Variants in MYO5B observed in about 807,000 individuals in gnomAD.
MYO5B encodes the protein unconventional myosin-Vb.
MYO5B carries 143 observed loss-of-function variants against 229.3 expected under a neutral mutation model. The observed-to-expected ratio is 0.62, with a 90% confidence interval of 0.54 to 0.72. MYO5B has a LOEUF of 0.72. Ranked by LOEUF, MYO5B falls within the 30% of genes least tolerant of loss-of-function variation. The pLI is 0.00. For missense variants in MYO5B, 2,321 were observed against 2,331.0 expected (o/e 1.00, Z 0.09); for synonymous variants, 918 against 885.2 (o/e 1.04, Z -0.66).
chr18:49,905,124 C>A (rs2144148288), intron 19 of MYO5B, among the ~76,000 whole-genome samples: 1 of 152,316 alleles, frequency 6.6e-6, no homozygotes, highest in African/African-American at 2.4e-5. Flanking sequence ...ACTCTTCTAC[C>A]TCACTGTGCC....
In MYO5B at chr18:49,933,087, A is replaced by T. The variant is rs185695575; in HGVS notation, c.2003+3165T>A. Among the ~76,000 whole-genome samples the T allele has an allele frequency of 2.8e-4, 42 of 152,128 alleles. No individual in the cohort carries two copies. The East Asian group carries it at 8.1e-3, about 29-fold the overall frequency. ...TCCCACTGTGTTAGAACCGAGCCCT[A>T]CCTCCACAATTGCCCGCCATGGAAT... On this transcript the variant is annotated intron_variant, in intron 16 of 39. Coordinates refer to ENST00000285039, the MANE Select transcript of MYO5B (RefSeq NM_001080467.3).
chr18:49,937,856 G>A (rs578033661), intron 14 of MYO5B, among the ~76,000 whole-genome samples: 1 of 152,222 alleles, frequency 6.6e-6, no homozygotes, highest in African/African-American at 2.4e-5. Flanking sequence ...GAGAAAGGGA[G>A]TGCCTGCTAA....
intron 1 of MYO5B, among the ~76,000 whole-genome samples, chr18:50,183,397 T>C (rs1169354475): frequency 6.7e-6 from 1 of 150,118 alleles, no homozygotes; most frequent in Non-Finnish European, 1.5e-5. Flanking sequence ...ATTCTGTATG[T>C]ATTCCTCTCT....
At chr18:49,953,176 C>T in intron 14 of MYO5B, 84 bp downstream of exon 14, 1 of 1,297,394 alleles carries the variant, frequency 7.7e-7, no homozygotes, top group East Asian at 2.3e-5. Context: ...TGTCTTTCCA[C>T]CCCAAGGAGG....
chr18:50,110,379 TG>T (rs749065482), intron 1 of MYO5B, among the ~76,000 whole-genome samples: 3 of 152,202 alleles, frequency 2.0e-5, no homozygotes, highest in Non-Finnish European at 2.9e-5. Context: ...CTCCCTCATT[TG>T]CTCCAGGTAT....
At chr18:49,982,257 C>T (rs889621229) in intron 8 of MYO5B, among the ~76,000 whole-genome samples, 1 of 152,058 alleles carries the variant, frequency 6.6e-6, no homozygotes, top group African/African-American at 2.4e-5. Flanking sequence ...TTTGTAGAGA[C>T]AGGGTCTCCC....
chr18:50,012,920 T>C (rs927007261), intron 4 of MYO5B, among the ~76,000 whole-genome samples: 1 of 152,250 alleles, frequency 6.6e-6, no homozygotes, highest in South Asian at 2.1e-4. Flanking sequence ...TGCTTCAGAC[T>C]GAAGGCATTC....
intron 16 of MYO5B, among the ~76,000 whole-genome samples, chr18:49,935,521 A>C (rs1006998350): frequency 4.6e-5 from 7 of 152,230 alleles, no homozygotes; most frequent in African/African-American, 1.7e-4. Flanking sequence ...AGACCAATGA[A>C]AGAGGAATCA....
intron 1 of MYO5B, among the ~76,000 whole-genome samples, chr18:50,164,590 A>T (rs897194714): frequency 6.6e-6 from 1 of 151,432 alleles, no homozygotes; most frequent in Non-Finnish European, 1.5e-5. Flanking sequence ...TCAAATTGTG[A>T]TTTTTTTTTA....
At chr18:50,023,719 G>A (rs1397946952) in intron 4 of MYO5B, among the ~76,000 whole-genome samples, 2 of 152,298 alleles carry the variant, frequency 1.3e-5, no homozygotes, top group African/African-American at 4.8e-5. Context: ...TCTAGCAGCT[G>A]CTCCAGAAAA....
In MYO5B at chr18:49,831,166, A is replaced by G. The variant is rs114074402; in HGVS notation, c.5394+4178T>C. ...TTAACTCTGAATGGATCAAAAACTT[A>G]AAGGGAGCTAAATCTGCAAAGCTCT... On this transcript the variant is annotated intron_variant, in intron 39 of 39. Transcript: ENST00000285039. Among the ~76,000 whole-genome samples, 772 of 152,290 alleles carry G rather than the reference A, an allele frequency of 5.1e-3. 6 individuals are homozygous for G. The highest frequency in any genetic ancestry group is 0.018 in the African/African-American group (741 of 41,552).
At chr18:50,123,255 C>T (rs1380133080) in intron 1 of MYO5B, among the ~76,000 whole-genome samples, 1 of 152,074 alleles carries the variant, frequency 6.6e-6, no homozygotes, top group South Asian at 2.1e-4. Context: ...AGACAGAAAG[C>T]AGATTAGTGG....
chr18:49,990,372 C>T lies in MYO5B; in HGVS notation c.838+67G>A, dbSNP rs149947625. On this transcript the variant is annotated intron_variant, in intron 7 of 39. Transcript: ENST00000285039. ...CCATGACGGAGGGCTTTGAGCAGAG[C>T]CCCCAGCTGTGCACCCGCTGGAGCA... 6.0e-6 allele frequency: 8 copies of T among 1,339,388 alleles called. No homozygotes were observed. The East Asian group carries it at 9.3e-5, about 16-fold the overall frequency. 83.0% of individuals were successfully genotyped at this position (1,339,388 alleles called of 1,614,324 possible).
chr18:50,115,547 GACACACACACACACACAC>G (rs56886992), intron 1 of MYO5B, among the ~76,000 whole-genome samples: 1 of 125,062 alleles, frequency 8.0e-6, no homozygotes, highest in Non-Finnish European at 1.8e-5. Flanking sequence ...CACACAGAGA[GACACACACACACACACAC>G]ACACACACAC....
intron 21 of MYO5B, among the ~76,000 whole-genome samples, chr18:49,899,166 T>C (rs2024813694): frequency 6.6e-6 from 1 of 152,184 alleles, no homozygotes; most frequent in Non-Finnish European, 1.5e-5. Context: ...ACCTGTGGTG[T>C]CCTTGGTGTT....
intron 1 of MYO5B, among the ~76,000 whole-genome samples, chr18:50,108,355 T>C (rs1327731527): frequency 2.0e-5 from 3 of 152,248 alleles, no homozygotes; most frequent in African/African-American, 7.2e-5. Context: ...CTGCTCTGCA[T>C]TAAGTGAGAT....
intron 17 of MYO5B, among the ~76,000 whole-genome samples, chr18:49,916,733 A>G (rs989033970): frequency 6.6e-6 from 1 of 152,092 alleles, no homozygotes; most frequent in African/African-American, 2.4e-5. Context: ...AAGAGAGTTC[A>G]GTACCCACTA....
chr18:49,832,786 G>A (rs1277939259), intron 39 of MYO5B, among the ~76,000 whole-genome samples: 1 of 152,190 alleles, frequency 6.6e-6, no homozygotes, highest in Non-Finnish European at 1.5e-5. Context: ...GAAATAATGG[G>A]AGAGAAGTTT....
chr18:50,026,989 C>A (rs1192042662), intron 4 of MYO5B, among the ~76,000 whole-genome samples: 6 of 152,174 alleles, frequency 3.9e-5, no homozygotes, highest in African/African-American at 1.4e-4. Context: ...TGCTTCCCAG[C>A]ATGTTCCTTT....
Sources: allele counts gnomAD v4.1 joint callset (sites outside exome capture counted in the v4.1 genomes callset), GRCh38; gene constraint gnomAD v4.1.1; transcripts MANE v1.5; gene names NCBI Gene and HGNC (gene_info 2026-07-23, HGNC 2026-07-21).